SEPTIN10: variants seen among roughly 807,000 people sequenced by gnomAD.
SEPTIN10 encodes septin 10.
SEPTIN10 carries 66 observed loss-of-function variants against 54.8 expected under a neutral mutation model. The ratio of observed to expected loss-of-function variants is 1.21; its 90% confidence interval spans 0.99 to 1.48. The LOEUF is 1.48. Among genes scored for constraint, SEPTIN10 ranks in the 40% most tolerant of loss-of-function variants. SEPTIN10 has a pLI of 0.00. For missense variants in SEPTIN10, 620 were observed against 545.6 expected (o/e 1.14, Z -1.36); for synonymous variants, 161 against 181.0 (o/e 0.89, Z 0.89).
rs5833333 is a variant in SEPTIN10, at chr2:109,568,373, CT to C, written c.601-398del. Among the ~76,000 whole-genome samples the C allele has an allele frequency of 3.9e-3, 502 of 129,150 alleles. 1 individual carries two copies. Among genetic ancestry groups the C allele is most frequent in the African/African-American group, 7.6e-3 (262 of 34,596 alleles). The allele number at this position is 129,150 out of a possible 152,430, so 84.7% of individuals were successfully genotyped here. A position where few individuals can be genotyped will look rare whatever the true frequency, so the allele number is the denominator to read the frequency against. ...TTCCTACAGATGCCAGCCACACAATCTTTTTTTTTTTTTTTTTTGAGATGGA... is the reference window on the plus strand; with the variant it reads ...TTCCTACAGATGCCAGCCACACAATCTTTTTTTTTTTTTTTTTGAGATGGA... On this transcript the variant is annotated intron_variant, in intron 5 of 10. Coordinates refer to ENST00000397712, the MANE Select transcript of SEPTIN10 (RefSeq NM_144710.5).
At chr2:109,603,732 A>C (rs1697212526) in intron 1 of SEPTIN10, among the ~76,000 whole-genome samples, 1 of 152,184 alleles carries the variant, frequency 6.6e-6, no homozygotes, top group Non-Finnish European at 1.5e-5. Context: ...AAGCACTGGC[A>C]AGAAAAGGCT....
intron 2 of SEPTIN10, among the ~76,000 whole-genome samples, chr2:109,588,447 T>C (rs1693104376): frequency 6.6e-6 from 1 of 152,118 alleles, no homozygotes; most frequent in Non-Finnish European, 1.5e-5. Context: ...ACAGGAGGAC[T>C]GAAGGAATAT....
intron 9 of SEPTIN10, among the ~76,000 whole-genome samples, chr2:109,546,934 G>A (rs562402085): frequency 6.6e-6 from 1 of 152,330 alleles, no homozygotes; most frequent in East Asian, 1.9e-4. Context: ...TAGGAGAGCA[G>A]AATGTGCAGG....
At chr2:109,612,800 GA>G (rs1221073087) in intron 1 of SEPTIN10, among the ~76,000 whole-genome samples, 1 of 152,136 alleles carries the variant, frequency 6.6e-6, no homozygotes, top group South Asian at 2.1e-4. Context: ...GCGATAGAAT[GA>G]AAAGAGACCT....
At chr2:109,594,545 T>C (rs1158679888) in intron 1 of SEPTIN10, 1 of 151,526 alleles carries the variant, frequency 6.6e-6, no homozygotes, top group Non-Finnish European at 1.5e-5. Context: ...TACAGCACAG[T>C]GTTCTCCTCT....
Position 109,592,939 on chromosome 2 carries a change from A to AT in SEPTIN10, c.99+111_99+112insA, listed in dbSNP as rs1311543149. 8 of 561,426 alleles carry AT rather than the reference A, an allele frequency of 1.4e-5. No homozygotes were observed. The Admixed American group carries it at 1.8e-4, about 13-fold the overall frequency. The allele number at this position is 561,426 out of a possible 1,614,324, so 34.8% of individuals were successfully genotyped here. A position where few individuals can be genotyped will look rare whatever the true frequency, so the allele number is the denominator to read the frequency against. ...GAAAAATTAATTCACGTTGGAGGTAAGTACAAACAGAAGTCTCTATCACAA... is the reference window on the plus strand; with the variant it reads ...GAAAAATTAATTCACGTTGGAGGTAATGTACAAACAGAAGTCTCTATCACAA... On this transcript the variant is annotated intron_variant, in intron 2 of 10. Coordinates refer to ENST00000397712, the MANE Select transcript of SEPTIN10 (RefSeq NM_144710.5).
At chr2:109,552,781 G>T in intron 9 of SEPTIN10, 2 of 258,172 alleles carry the variant, frequency 7.7e-6, no homozygotes, top group Non-Finnish European at 7.3e-6. Context: ...TTCAAGGCAT[G>T]GATTTCATGA....
At position 109,571,764 on chromosome 2, in the gene SEPTIN10, G is replaced by C. The variant is rs183344880; in HGVS notation, c.600+2817C>G. On this transcript the variant is annotated intron_variant, in intron 5 of 10. Coordinates refer to ENST00000397712, the MANE Select transcript of SEPTIN10 (RefSeq NM_144710.5). ...GATGACTAGGAAGCATCTAGAACTA[G>C]TTGTTATAAGAGTTTGCAGGTTGAA... 2.4e-3 allele frequency among the ~76,000 whole-genome samples: 366 copies of C among 152,284 alleles called. 1 individual carries two copies. The highest frequency in any genetic ancestry group is 4.5e-3 in the Non-Finnish European group (305 of 68,034).
intron 5 of SEPTIN10, among the ~76,000 whole-genome samples, chr2:109,573,186 G>C (rs1447588140): frequency 1.3e-5 from 2 of 152,024 alleles, no homozygotes; most frequent in Non-Finnish European, 2.9e-5. Context: ...ATTTAAAAGT[G>C]GAGGACACTG....
chr2:109,600,166 G>A lies in SEPTIN10; in HGVS notation c.31-7047C>T, dbSNP rs1048055435. 5.9e-5 allele frequency among the ~76,000 whole-genome samples: 9 copies of A among 152,242 alleles called. No homozygotes were observed. In the South Asian group the frequency reaches 1.5e-3, roughly 25 times the overall value. ...GGCCCAGACTTTGTCAGATCCACAC[G>A]GTTCTGCAGCTCTCACTGCTCAATT... On this transcript the variant is annotated intron_variant, in intron 1 of 10. Coordinates refer to ENST00000397712, the MANE Select transcript of SEPTIN10 (RefSeq NM_144710.5).
At chr2:109,590,954 A>C (rs188394216) in intron 2 of SEPTIN10, among the ~76,000 whole-genome samples, 1 of 152,316 alleles carries the variant, frequency 6.6e-6, no homozygotes, top group Non-Finnish European at 1.5e-5. Context: ...TTGAGTATGA[A>C]ACCCAGAGCA....
chr2:109,608,217 G>A (rs1314802748), intron 1 of SEPTIN10, among the ~76,000 whole-genome samples: 1 of 152,122 alleles, frequency 6.6e-6, no homozygotes, highest in Non-Finnish European at 1.5e-5. Flanking sequence ...TGCAGCTAAG[G>A]AAAAATGTCA....
intron 1 of SEPTIN10, among the ~76,000 whole-genome samples, chr2:109,598,945 G>A (rs1695942082): frequency 6.6e-6 from 1 of 151,836 alleles, no homozygotes; most frequent in Non-Finnish European, 1.5e-5. Context: ...AGGAGGGTGG[G>A]GTATTTGGCT....
At position 109,546,277 on chromosome 2, in the gene SEPTIN10, G is replaced by A. The variant is rs766619374; in HGVS notation, c.1162-40C>T. 6 of 1,359,102 alleles carry A rather than the reference G, an allele frequency of 4.4e-6. No homozygotes were observed. In the South Asian group the frequency reaches 4.6e-5, roughly 10 times the overall value. The allele number at this position is 1,359,102 out of a possible 1,614,324, so 84.2% of individuals were successfully genotyped here. A position where few individuals can be genotyped will look rare whatever the true frequency, so the allele number is the denominator to read the frequency against. On this transcript the variant is annotated intron_variant, in intron 9 of 10. Transcript: ENST00000397712. The stretch of plus-strand genomic sequence containing the variant: ...GCAATCCCCACTACTGACACAGCGC[G>A]GCAGCAGAGGCACGCTCTCCAGCTC...
chr2:109,562,911 CT>C lies in SEPTIN10; in HGVS notation c.1028+1454del, dbSNP rs200795314. On this transcript the variant is annotated intron_variant, in intron 8 of 10. Transcript: ENST00000397712. ...GAGGGTGGGTTAAGTACACACAATG[CT>C]TTTTTTTTTTTTCTTTGAGATGGAG... Among the ~76,000 whole-genome samples the C allele has an allele frequency of 1.7e-3, 251 of 145,480 alleles. 1 individual carries two copies. The highest frequency in any genetic ancestry group is 3.6e-3 in the Middle Eastern group (1 of 278).
intron 1 of SEPTIN10, among the ~76,000 whole-genome samples, chr2:109,598,022 C>T (rs1695684174): frequency 6.6e-6 from 1 of 152,128 alleles, no homozygotes; most frequent in South Asian, 2.1e-4. Context: ...ACCAATGAGC[C>T]TCAGGAAACA....
intron 1 of SEPTIN10, among the ~76,000 whole-genome samples, chr2:109,611,208 T>C (rs1289909267): frequency 6.6e-6 from 1 of 152,066 alleles, no homozygotes; most frequent in Non-Finnish European, 1.5e-5. Flanking sequence ...ATAACATAAA[T>C]GTAAAACATA....
At chr2:109,593,252 CATT>C (rs1466907726) in intron 1 of SEPTIN10, 133 bp from the exon 2 acceptor site, 1 of 501,650 alleles carries the variant, frequency 2.0e-6, no homozygotes, top group Admixed American at 4.0e-5. Flanking sequence ...GTGTAGTCTA[CATT>C]ATTGAATCGT....
rs926609287 is a variant in SEPTIN10 at position 109,613,947 on chromosome 2, G to A, written c.-120C>T. The A allele has an allele frequency of 3.3e-6, 4 of 1,210,808 alleles. No homozygotes were observed. In the African/African-American group the frequency reaches 6.3e-5, roughly 19 times the overall value. The allele number at this position is 1,210,808 out of a possible 1,614,324, so 75.0% of individuals were successfully genotyped here. A position where few individuals can be genotyped will look rare whatever the true frequency, so the allele number is the denominator to read the frequency against. ...AACGGGCGGGGCGCGAGGCTAGGCT[G>A]CCTCCGCGACGGGGAAGGGACAGGG... On this transcript the variant is annotated 5_prime_UTR_variant, in exon 1 of 11. Coordinates refer to ENST00000397712, the MANE Select transcript of SEPTIN10 (RefSeq NM_144710.5).
Sources: gnomAD v4.1 joint callset for allele counts (sites outside exome capture counted in the v4.1 genomes callset) on GRCh38, gnomAD v4.1.1 for gene constraint, MANE v1.5 for transcripts, NCBI Gene and HGNC (gene_info 2026-07-23, HGNC 2026-07-21) for gene names.